The following STXBP5L variants were observed in gnomAD, a reference collection of about 807,000 sequenced individuals.
STXBP5L encodes syntaxin-binding protein 5-like.
Under a neutral mutation model 144.5 loss-of-function variants are expected in STXBP5L, and 65 were observed. That is an observed-to-expected ratio of 0.45 (90% CI 0.37 to 0.55). The LOEUF (loss-of-function observed/expected upper bound fraction) is 0.55. Ranked by LOEUF, STXBP5L falls within the 20% of genes least tolerant of loss-of-function variation. The probability of loss-of-function intolerance (pLI) is 0.00; values close to 1 mark genes in which losing one functional copy is unlikely to be tolerated. For synonymous variants in STXBP5L, 505 were observed against 469.6 expected (o/e 1.08, Z -0.97); for missense variants, 1,298 against 1,405.5 (o/e 0.92, Z 1.22).
At chr3:121,092,646 G>A (rs950830322) in intron 5 of STXBP5L, among the ~76,000 whole-genome samples, 46 of 152,322 alleles carry the variant, frequency 3.0e-4, no homozygotes, top group Admixed American at 8.5e-4. Context: ...TGCTGAAGTT[G>A]CTTATCAGCT....
In STXBP5L at chr3:120,977,300, T is replaced by A. The variant is rs1941170282; in HGVS notation, c.287+22263T>A. On this transcript the variant is annotated intron_variant, in intron 3 of 26. Transcript: ENST00000471454. ...AATTGATCCCTTTACCATTATGTAA[T>A]GGCCTTCTTTGTCCCTTTTGATCTT... Among the ~76,000 whole-genome samples the A allele has an allele frequency of 2.0e-5, 3 of 152,344 alleles. No homozygotes were observed. The South Asian group carries it at 6.2e-4, about 32-fold the overall frequency.
At chr3:121,202,767 G>C (rs1216442143) in intron 9 of STXBP5L, among the ~76,000 whole-genome samples, 5 of 151,792 alleles carry the variant, frequency 3.3e-5, no homozygotes, top group Non-Finnish European at 7.4e-5. Flanking sequence ...CTAAAAGTTA[G>C]CTGTTAATCT....
chr3:121,283,402 G>A (rs2051125458), intron 19 of STXBP5L, among the ~76,000 whole-genome samples: 1 of 151,996 alleles, frequency 6.6e-6, no homozygotes, highest in Non-Finnish European at 1.5e-5. Context: ...TACTCTAGCA[G>A]AGCACCCCCT....
At chr3:121,089,394 T>G (rs1287557902) in intron 5 of STXBP5L, among the ~76,000 whole-genome samples, 1 of 151,976 alleles carries the variant, frequency 6.6e-6, no homozygotes, top group Non-Finnish European at 1.5e-5. Flanking sequence ...AGTTTTTCTT[T>G]GTTTTTCATT....
chr3:121,035,388 A>G (rs527654027), intron 3 of STXBP5L, among the ~76,000 whole-genome samples: 2 of 152,282 alleles, frequency 1.3e-5, no homozygotes, highest in East Asian at 3.9e-4. Context: ...GTTTTTGTAT[A>G]TAGTGAGAGA....
chr3:121,093,540 A>T (rs988552865), intron 5 of STXBP5L, among the ~76,000 whole-genome samples: 1 of 151,954 alleles, frequency 6.6e-6, no homozygotes, highest in East Asian at 1.9e-4. Flanking sequence ...TTTCTTCTAG[A>T]TTTTCTAGTT....
intron 2 of STXBP5L, among the ~76,000 whole-genome samples, chr3:120,942,949 T>C (rs534242154): frequency 1.3e-5 from 2 of 151,820 alleles, no homozygotes; most frequent in African/African-American, 4.8e-5. Context: ...ATCAAATGCC[T>C]TTCCAGAACC....
intron 20 of STXBP5L, among the ~76,000 whole-genome samples, chr3:121,370,954 C>T (rs1220772146): frequency 6.6e-6 from 1 of 152,128 alleles, no homozygotes. Context: ...TTTCAACATT[C>T]TTCTGAATCT....
At chr3:121,297,952 A>C (rs2051725972) in intron 19 of STXBP5L, among the ~76,000 whole-genome samples, 1 of 152,202 alleles carries the variant, frequency 6.6e-6, no homozygotes, top group South Asian at 2.1e-4. Flanking sequence ...GAATGCTAAT[A>C]TTTCTTTGAG....
intron 3 of STXBP5L, among the ~76,000 whole-genome samples, chr3:120,962,441 A>G (rs1175346049): frequency 3.3e-5 from 5 of 152,130 alleles, no homozygotes; most frequent in Admixed American, 3.3e-4. Context: ...TCCATCTTGA[A>G]TTAATTTTTG....
intron 20 of STXBP5L, among the ~76,000 whole-genome samples, chr3:121,358,122 C>T (rs1014101963): frequency 2.0e-5 from 3 of 152,062 alleles, no homozygotes; most frequent in Non-Finnish European, 4.4e-5. Flanking sequence ...ACAAACAGTC[C>T]AATTACATTC....
At chr3:121,021,299 A>T (rs1442270590) in intron 3 of STXBP5L, among the ~76,000 whole-genome samples, 1 of 152,198 alleles carries the variant, frequency 6.6e-6, no homozygotes, top group Non-Finnish European at 1.5e-5. Flanking sequence ...AATGAGATAG[A>T]CAGCAGAACA....
At position 121,154,293 on chromosome 3, in the gene STXBP5L, C is replaced by T. The variant is rs1320898733; in HGVS notation, c.753+1733C>T. 4.0e-5 allele frequency among the ~76,000 whole-genome samples: 6 copies of T among 151,788 alleles called. No individual in the cohort carries two copies. In the East Asian group the frequency reaches 1.2e-3, roughly 29 times the overall value. ...TTAAATACTTCATTTCACTACCAAA[C>T]TTTTCAGCCTCTCCTCAGCACTTTA... On this transcript the variant is annotated intron_variant, in intron 8 of 26. Coordinates refer to ENST00000471454, the MANE Select transcript of STXBP5L (RefSeq NM_001308330.2).
rs983487081 is a variant in STXBP5L at position 121,257,032 on chromosome 3, A to G, written c.1660-129A>G. 3 of 679,036 alleles carry G rather than the reference A, an allele frequency of 4.4e-6. No individual in the cohort carries two copies. The East Asian group carries it at 8.4e-5, about 19-fold the overall frequency. The allele number at this position is 679,036 out of a possible 1,614,324, so 42.1% of individuals were successfully genotyped here. A position where few individuals can be genotyped will look rare whatever the true frequency, so the allele number is the denominator to read the frequency against. ...ATAGTATTGAACTTATTAATTTGAA[A>G]AAAACTGTGTGAATGATTCCTAAAA... is the stretch of plus-strand genomic sequence containing the variant. On this transcript the variant is annotated intron_variant, in intron 16 of 26. Transcript: ENST00000471454.
intron 3 of STXBP5L, among the ~76,000 whole-genome samples, chr3:121,001,612 G>T (rs1230463952): frequency 6.6e-6 from 1 of 152,078 alleles, no homozygotes. Flanking sequence ...CTGCATCTAG[G>T]TGTCCTTGGT....
In STXBP5L at chr3:121,313,049, G is replaced by A. The variant is rs1201156482; in HGVS notation, c.2111-5426G>A. Reference sequence around the variant, plus strand: ...CCAGTAGGGGCGGCCGGGCAGAAGCGCCCCTCACCTCCCGGATGGGGCGGC... The same window carrying A: ...CCAGTAGGGGCGGCCGGGCAGAAGCACCCCTCACCTCCCGGATGGGGCGGC... On this transcript the variant is annotated intron_variant, in intron 19 of 26. Transcript: ENST00000471454. Among the ~76,000 whole-genome samples the A allele has an allele frequency of 4.0e-3, 604 of 150,790 alleles. 3 individuals carry two copies. Among genetic ancestry groups the A allele is most frequent in the African/African-American group, 0.013 (519 of 41,024 alleles).
chr3:121,413,074 A>G (rs1348011867), intron 23 of STXBP5L, 84 bp from the exon 24 acceptor site: 3 of 1,066,330 alleles, frequency 2.8e-6, no homozygotes, highest in East Asian at 2.9e-5. Flanking sequence ...CCATAAAATA[A>G]TAGAATAAAA....
chr3:121,092,521 C>G (rs532290614), intron 5 of STXBP5L, among the ~76,000 whole-genome samples: 1 of 152,106 alleles, frequency 6.6e-6, no homozygotes, highest in Admixed American at 6.5e-5. Context: ...GTATTTTATT[C>G]TCTTTGAAGC....
At chr3:120,975,641 T>C (rs1940893167) in intron 3 of STXBP5L, among the ~76,000 whole-genome samples, 1 of 152,200 alleles carries the variant, frequency 6.6e-6, no homozygotes, top group South Asian at 2.1e-4. Flanking sequence ...AGGGAATGCT[T>C]CCAGTTTTTG....
Sources: allele counts gnomAD v4.1 joint callset (sites outside exome capture counted in the v4.1 genomes callset), GRCh38; gene constraint gnomAD v4.1.1; transcripts MANE v1.5; gene names NCBI Gene and HGNC (gene_info 2026-07-23, HGNC 2026-07-21).